The following INTS14 variants were observed in gnomAD, a reference collection of about 807,000 sequenced individuals.
INTS14 encodes UPF0464 protein C15orf44.
INTS14 carries 27 observed loss-of-function variants against 56.9 expected under a neutral mutation model. The observed-to-expected ratio is 0.47, with a 90% confidence interval of 0.35 to 0.65. The LOEUF (loss-of-function observed/expected upper bound fraction) is 0.65, where lower values mean the gene tolerates loss of function less well. Ranked by LOEUF, INTS14 falls within the 30% of genes least tolerant of loss-of-function variation. INTS14 has a pLI of 0.00. For synonymous variants in INTS14, 207 were observed against 236.2 expected (o/e 0.88, Z 1.13); for missense variants, 517 against 632.2 (o/e 0.82, Z 1.95).
rs1327425071 is a variant in INTS14 at position 65,578,912 on chromosome 15, C to T, written c.*496G>A. On this transcript the variant is annotated 3_prime_UTR_variant, in exon 12 of 12. Coordinates refer to ENST00000313182, the MANE Select transcript of INTS14 (RefSeq NM_001394796.1). The stretch of plus-strand genomic sequence containing the variant: ...CAAAAGCACTTAAGAGTTACCACCA[C>T]ATTTTGCCCAAGTTCTAAGGAAAGT... The T allele has an allele frequency of 2.0e-5, 3 of 152,644 alleles. No individual in the cohort carries two copies. The highest frequency in any genetic ancestry group is 6.5e-5 in the Admixed American group (1 of 15,308). 9.5% of individuals were successfully genotyped at this position (152,644 alleles called of 1,614,324 possible).
chr15:65,595,638 T>C (rs2073184081), intron 7 of INTS14, 95 bp downstream of exon 7: 2 of 993,494 alleles, frequency 2.0e-6, no homozygotes, highest in African/African-American at 3.4e-5. Context: ...TCCTTTCCCC[T>C]AAATTCTGCA....
At chr15:65,580,614 A>C (rs1259958089) in intron 11 of INTS14, among the ~76,000 whole-genome samples, 2 of 152,218 alleles carry the variant, frequency 1.3e-5, no homozygotes, top group African/African-American at 4.8e-5. Flanking sequence ...ACAGTGACAT[A>C]AAGGTAATGA....
At chr15:65,610,770 A>G (rs2073895456) in intron 1 of INTS14, 1 of 1,535,722 alleles carries the variant, frequency 6.5e-7, no homozygotes, top group Non-Finnish European at 8.7e-7. Flanking sequence ...CAGACTGAAA[A>G]TCACATCTGG....
intron 10 of INTS14, among the ~76,000 whole-genome samples, chr15:65,583,886 T>C (rs1247840138): frequency 1.3e-5 from 2 of 152,202 alleles, no homozygotes; most frequent in East Asian, 1.9e-4. Context: ...CCTGACACTT[T>C]AGCCTTGGCA....
At position 65,591,360 on chromosome 15, in the gene INTS14, G is replaced by A. The variant is rs576840647; in HGVS notation, c.1120+238C>T. Among the ~76,000 whole-genome samples, 71 of 152,206 alleles carry A rather than the reference G, an allele frequency of 4.7e-4. No individual in the cohort carries two copies. In the South Asian group the frequency reaches 0.011, roughly 23 times the overall value. Reference sequence around the variant, plus strand: ...GGAGATTAGTTTTTCACTCTAAGCCGCTGAAGAATTTGCATTTACTTAAAG... The same window carrying A: ...GGAGATTAGTTTTTCACTCTAAGCCACTGAAGAATTTGCATTTACTTAAAG... On this transcript the variant is annotated intron_variant, in intron 9 of 11. Coordinates refer to ENST00000313182, the MANE Select transcript of INTS14 (RefSeq NM_001394796.1).
At position 65,578,871 on chromosome 15, in the gene INTS14, GA is replaced by G. The variant is rs1212164185; in HGVS notation, c.*536del. 2 of 152,252 alleles carry G rather than the reference GA, an allele frequency of 1.3e-5. No individual in the cohort carries two copies. The highest frequency in any genetic ancestry group is 3.9e-4 in the East Asian group (2 of 5,180). 9.4% of individuals were successfully genotyped at this position (152,252 alleles called of 1,614,324 possible). A position where few individuals can be genotyped will look rare whatever the true frequency, so the allele number is the denominator to read the frequency against. ...ATTAATGGTTGCTCTTTAAAAGTTA[GA>G]ATCTCAAGAGATACCAAAAGCACTT... On this transcript the variant is annotated 3_prime_UTR_variant, in exon 12 of 12. Coordinates refer to ENST00000313182, the MANE Select transcript of INTS14 (RefSeq NM_001394796.1).
intron 9 of INTS14, among the ~76,000 whole-genome samples, chr15:65,589,154 C>T (rs1046824366): frequency 6.6e-6 from 1 of 152,176 alleles, no homozygotes; most frequent in African/African-American, 2.4e-5. Flanking sequence ...AAAACCATCA[C>T]AATAGTCTAG....
At chr15:65,589,921 C>T (rs1047176718) in intron 9 of INTS14, among the ~76,000 whole-genome samples, 1 of 152,156 alleles carries the variant, frequency 6.6e-6, no homozygotes, top group African/African-American at 2.4e-5. Flanking sequence ...GGTACCTCCA[C>T]CTGTATCTCA....
rs2073686221 is a variant in INTS14 at position 65,607,221 on chromosome 15, CAA to C, written c.158_159del (p.Leu53ArgfsTer18). ...AACTCCCAAAGTGATGAAAAAACCA[CAA>C]GTGCTGTAAATTCAAGCTTGTAATT... is the stretch of plus-strand genomic sequence containing the variant. ...ATNYKLEFTA[L>X]VVFSSLWELM... On this transcript the variant is annotated frameshift_variant, in exon 2 of 12. Coordinates refer to ENST00000313182, the MANE Select transcript of INTS14 (RefSeq NM_001394796.1). LOFTEE classifies it high-confidence loss of function. 1 of 1,614,198 alleles carries C rather than the reference CAA, an allele frequency of 6.2e-7. No homozygotes were observed. The highest frequency in any genetic ancestry group is 8.5e-7 in the Non-Finnish European group (1 of 1,180,042).
At chr15:65,580,623 G>A (rs2072568424) in intron 11 of INTS14, among the ~76,000 whole-genome samples, 1 of 152,230 alleles carries the variant, frequency 6.6e-6, no homozygotes, top group Admixed American at 6.5e-5. Flanking sequence ...TAAAGGTAAT[G>A]AGATAACACC....
Position 65,611,099 on chromosome 15 carries a change from C to T in INTS14, c.-64G>A, listed in dbSNP as rs1038719825. The T allele has an allele frequency of 6.5e-7, 1 of 1,535,782 alleles. No homozygotes were observed. Among genetic ancestry groups the T allele is most frequent in the East Asian group, 2.4e-5 (1 of 40,904 alleles). On this transcript the variant is annotated splice_region_variant and 5_prime_UTR_variant, in exon 1 of 12. Coordinates refer to ENST00000313182, the MANE Select transcript of INTS14 (RefSeq NM_001394796.1). ...CGGGCCCTCGGCCTCCCCACTCACCCCGTGCCCATCGCCGGACACAGTCCG... is the reference window on the plus strand; with the variant it reads ...CGGGCCCTCGGCCTCCCCACTCACCTCGTGCCCATCGCCGGACACAGTCCG...
In INTS14 at chr15:65,607,403, C is replaced by G; in HGVS notation, c.-23G>C. The G allele has an allele frequency of 6.2e-7, 1 of 1,613,508 alleles. No homozygotes were observed. The highest frequency in any genetic ancestry group is 8.5e-7 in the Non-Finnish European group (1 of 1,179,652). ...CATGATGAAAATGATCCCAGTGTTC[C>G]CAATCAGAATGCAAACAGACAGCTA... On this transcript the variant is annotated 5_prime_UTR_variant, in exon 2 of 12. Coordinates refer to ENST00000313182, the MANE Select transcript of INTS14 (RefSeq NM_001394796.1).
rs1303534645 is a variant in INTS14 at position 65,598,221 on chromosome 15, C to A, written c.748+100G>T. 3 of 1,242,482 alleles carry A rather than the reference C, an allele frequency of 2.4e-6. No homozygotes were observed. In the East Asian group the frequency reaches 7.2e-5, roughly 30 times the overall value. The allele number at this position is 1,242,482 out of a possible 1,614,324, so 77.0% of individuals were successfully genotyped here. A position where few individuals can be genotyped will look rare whatever the true frequency, so the allele number is the denominator to read the frequency against. On this transcript the variant is annotated intron_variant, in intron 6 of 11. Transcript: ENST00000313182. ...TCAACCTGTACCACAATATATATTT[C>A]TTTTCAACCTTCCTAGACAGAGAAG... is the stretch of plus-strand genomic sequence containing the variant.
chr15:65,582,674 G>C (rs1446483710), intron 10 of INTS14, among the ~76,000 whole-genome samples: 1 of 152,102 alleles, frequency 6.6e-6, no homozygotes, highest in African/African-American at 2.4e-5. Flanking sequence ...ACAGCACAAA[G>C]CACAAACAAC....
Position 65,598,345 on chromosome 15 carries a change from G to A in INTS14, c.724C>T (p.Pro242Ser). 6.2e-7 allele frequency: 1 copy of A among 1,613,958 alleles called. No homozygotes were observed. Among genetic ancestry groups the A allele is most frequent in the Non-Finnish European group, 8.5e-7 (1 of 1,179,906 alleles). The change falls in exon 6 of 12, where the codon CCT becomes TCT. Residue 242 changes from proline to serine, a missense_variant. Transcript: ENST00000313182. ...CCTGTGTTAATGACTTTAGGGATAG[G>A]ATCAATTTCTTCATCTACAACAAAA... ...EPFVVDEEIDPIPKVINTDLE... is the reference protein window; with the variant it reads ...EPFVVDEEIDSIPKVINTDLE...
intron 4 of INTS14, 111 bp downstream of exon 4, chr15:65,599,663 T>C: frequency 2.5e-6 from 3 of 1,177,198 alleles, no homozygotes; most frequent in African/African-American, 1.5e-5. Flanking sequence ...CTGAAACCAA[T>C]GGAGTTCAAT....
chr15:65,593,096 TAA>T (rs765099877), intron 8 of INTS14, among the ~76,000 whole-genome samples: 189 of 136,010 alleles, frequency 1.4e-3, no homozygotes, highest in African/African-American at 3.0e-3. Context: ...TTCTATAAAT[TAA>T]AAAAAAAAAA....
chr15:65,609,281 G>A (rs1405644343), intron 1 of INTS14, among the ~76,000 whole-genome samples: 1 of 151,936 alleles, frequency 6.6e-6, no homozygotes. Flanking sequence ...AGGCTGTTTC[G>A]AACTCAGAAT....
intron 6 of INTS14, among the ~76,000 whole-genome samples, chr15:65,596,598 T>A (rs1286262544): frequency 6.6e-6 from 1 of 152,154 alleles, no homozygotes; most frequent in Non-Finnish European, 1.5e-5. Flanking sequence ...GAGATGGAGT[T>A]TCGCTCTTGT....
Sources: gnomAD v4.1 joint callset for allele counts (sites outside exome capture counted in the v4.1 genomes callset) on GRCh38, gnomAD v4.1.1 for gene constraint, MANE v1.5 for transcripts, NCBI Gene and HGNC (gene_info 2026-07-23, HGNC 2026-07-21) for gene names.